The following ARSB variants were observed in gnomAD, a reference collection of about 807,000 sequenced individuals.
ARSB encodes the protein N-acetylgalactosamine-4-sulfatase.
ARSB carries 41 observed loss-of-function variants against 50.9 expected under a neutral mutation model. The observed-to-expected ratio is 0.81, with a 90% CI of 0.63 to 1.04. The LOEUF is 1.04. Among genes scored for constraint, ARSB ranks in the 50% least tolerant of loss-of-function variants. The pLI, the probability that ARSB is intolerant of heterozygous loss-of-function variation, is 0.00. For synonymous variants in ARSB, 269 were observed against 284.8 expected (o/e 0.94, Z 0.56); for missense variants, 672 against 693.3 (o/e 0.97, Z 0.35).
chr5:78,809,003 A>G (rs1743694718), intron 6 of ARSB, among the ~76,000 whole-genome samples: 1 of 152,238 alleles, frequency 6.6e-6, no homozygotes, highest in South Asian at 2.1e-4. Context: ...TTCATCTCAG[A>G]TAACGGATTT....
chr5:78,864,971 CA>C (rs1404485087), intron 5 of ARSB, among the ~76,000 whole-genome samples: 1 of 152,198 alleles, frequency 6.6e-6, no homozygotes, highest in Admixed American at 6.5e-5. Context: ...TGTGGCTTTG[CA>C]GGGTACAACC....
intron 3 of ARSB, among the ~76,000 whole-genome samples, chr5:78,959,406 A>G (rs1274318027): frequency 2.0e-5 from 3 of 151,528 alleles, no homozygotes; most frequent in Non-Finnish European, 2.9e-5. Context: ...GCAGTTCTTT[A>G]TAACAGCGTG....
At chr5:78,928,298 G>T (rs337891) in intron 4 of ARSB, among the ~76,000 whole-genome samples, 7 of 132,392 alleles carry the variant, frequency 5.3e-5, no homozygotes, top group South Asian at 2.4e-4. Context: ...ATTGCCATTT[G>T]CTTTTGCTTT....
Position 78,779,031 on chromosome 5 carries a change from T to A in ARSB, c.*1366A>T, listed in dbSNP as rs1748848873. 6.6e-6 allele frequency: 1 copy of A among 151,910 alleles called. No individual in the cohort carries two copies. The highest frequency in any genetic ancestry group is 2.4e-5 in the African/African-American group (1 of 41,338). 9.4% of individuals were successfully genotyped at this position (151,910 alleles called of 1,614,324 possible). On this transcript the variant is annotated 3_prime_UTR_variant, in exon 8 of 8. Transcript: ENST00000264914. ...GATCGTCTCATAAAGATATAAAAAA[T>A]TAAAAATAAAATAAAAATTAAAAAA...
At chr5:78,862,852 C>G (rs529581113) in intron 5 of ARSB, among the ~76,000 whole-genome samples, 1 of 152,218 alleles carries the variant, frequency 6.6e-6, no homozygotes, top group South Asian at 2.1e-4. Context: ...TTACAATTTA[C>G]CCATGTAACA....
chr5:78,960,944 C>T (rs1240213733), intron 3 of ARSB, among the ~76,000 whole-genome samples: 1 of 152,126 alleles, frequency 6.6e-6, no homozygotes, highest in Non-Finnish European at 1.5e-5. Flanking sequence ...GGGGAATTAT[C>T]CTGCTGAAAA....
chr5:78,843,557 T>C (rs1745320894), intron 5 of ARSB, among the ~76,000 whole-genome samples: 1 of 152,214 alleles, frequency 6.6e-6, no homozygotes, highest in African/African-American at 2.4e-5. Flanking sequence ...TTTATTGAAG[T>C]ATAATTTTAA....
chr5:78,848,104 C>T (rs1434979663), intron 5 of ARSB, among the ~76,000 whole-genome samples: 1 of 150,658 alleles, frequency 6.6e-6, no homozygotes, highest in Non-Finnish European at 1.5e-5. Context: ...TTTTAGGGTA[C>T]ATGTGCACAA....
At chr5:78,851,048 C>T (rs1420029373) in intron 5 of ARSB, among the ~76,000 whole-genome samples, 4 of 151,868 alleles carry the variant, frequency 2.6e-5, no homozygotes, top group East Asian at 1.9e-4. Context: ...GTTTTTTGTG[C>T]CTCTATCTCC....
intron 4 of ARSB, among the ~76,000 whole-genome samples, chr5:78,920,568 C>A (rs1330740737): frequency 1.3e-5 from 2 of 152,074 alleles, no homozygotes; most frequent in African/African-American, 4.8e-5. Context: ...GCCATACCTG[C>A]GGCGGGTTAT....
intron 4 of ARSB, among the ~76,000 whole-genome samples, chr5:78,920,507 G>A (rs1005344120): frequency 1.3e-5 from 2 of 152,146 alleles, no homozygotes; most frequent in Non-Finnish European, 2.9e-5. Flanking sequence ...GGGGTAGAAA[G>A]ATACACTGTG....
intron 6 of ARSB, among the ~76,000 whole-genome samples, chr5:78,805,570 A>C (rs901442390): frequency 6.6e-6 from 1 of 152,152 alleles, no homozygotes; most frequent in Non-Finnish European, 1.5e-5. Flanking sequence ...ATTTCTGAGA[A>C]AGCAAGGCTC....
At chr5:78,838,277 A>G (rs1745035341) in intron 6 of ARSB, among the ~76,000 whole-genome samples, 1 of 152,140 alleles carries the variant, frequency 6.6e-6, no homozygotes, top group South Asian at 2.1e-4. Flanking sequence ...GATGAGAGAG[A>G]TTATAGACAG....
chr5:78,931,604 T>C (rs1234597713), intron 4 of ARSB, among the ~76,000 whole-genome samples: 3 of 152,102 alleles, frequency 2.0e-5, no homozygotes, highest in African/African-American at 4.8e-5. Context: ...CACTGGTTTC[T>C]GGGTAGAATG....
At chr5:78,817,231 C>T in intron 6 of ARSB, 2 of 480,870 alleles carry the variant, frequency 4.2e-6, no homozygotes, top group East Asian at 1.5e-4. Flanking sequence ...CCAACTGCTT[C>T]ACTCTCTCTG....
chr5:78,974,282 G>A (rs1360183853), intron 1 of ARSB, among the ~76,000 whole-genome samples: 2 of 152,158 alleles, frequency 1.3e-5, no homozygotes, highest in Non-Finnish European at 2.9e-5. Context: ...TTCAGGACTC[G>A]GGCTGCAGAA....
chr5:78,864,759 G>C (rs1328876900), intron 5 of ARSB, among the ~76,000 whole-genome samples: 1 of 152,200 alleles, frequency 6.6e-6, no homozygotes, highest in Non-Finnish European at 1.5e-5. Context: ...AATACAAGGG[G>C]GATACAGACA....
chr5:78,831,604 C>T (rs945689802), intron 6 of ARSB, among the ~76,000 whole-genome samples: 2 of 152,102 alleles, frequency 1.3e-5, no homozygotes, highest in East Asian at 1.9e-4. Context: ...ATGAGACCTG[C>T]GAAATCAGTA....
chr5:78,939,345 TATGTA>T (rs1750786015), intron 4 of ARSB, among the ~76,000 whole-genome samples: 3 of 152,028 alleles, frequency 2.0e-5, no homozygotes, highest in Non-Finnish European at 4.4e-5. Context: ...GTTTGTTACA[TATGTA>T]TACATGTGCC....
Sources: allele counts gnomAD v4.1 joint callset (sites outside exome capture counted in the v4.1 genomes callset), GRCh38; gene constraint gnomAD v4.1.1; transcripts MANE v1.5; gene names NCBI Gene and HGNC (gene_info 2026-07-23, HGNC 2026-07-21).